LMBRD2: variants seen among roughly 807,000 people sequenced by gnomAD.
LMBRD2 encodes LMBR1 domain containing 2, also known as G protein-coupled receptor-associated protein LMBRD2.
A neutral mutation model predicts 94.4 loss-of-function variants in LMBRD2; 55 were observed. The ratio of observed to expected loss-of-function variants is 0.58; its 90% CI spans 0.47 to 0.73. LMBRD2 has a LOEUF of 0.73. Ranked by LOEUF, LMBRD2 falls within the 30% of genes least tolerant of loss-of-function variation. The probability of loss-of-function intolerance (pLI) is 0.00; values close to 1 mark genes in which losing one functional copy is unlikely to be tolerated. For missense variants in LMBRD2, 640 were observed against 831.9 expected, an observed-to-expected ratio of 0.77 and a Z score of 2.84; for synonymous variants, 246 against 272.4, an observed-to-expected ratio of 0.90 and a Z score of 0.95.
chr5:36,105,051 T>G lies in LMBRD2; in HGVS notation c.2027+17A>C, dbSNP rs1743431168. On this transcript the variant is annotated intron_variant, in intron 17 of 17. Transcript: ENST00000296603. ...GTAGAGGAATGCTAGAGCTAAAATG[T>G]CACAGCCAGAACTTACCTTCCTGAT... 2 of 1,610,106 alleles carry G rather than the reference T, an allele frequency of 1.2e-6. No individual in the cohort carries two copies. The highest frequency in any genetic ancestry group is 1.7e-6 in the Non-Finnish European group (2 of 1,177,770).
Position 36,103,983 on chromosome 5 carries a change from T to A in LMBRD2, c.*63A>T. ...TAGAGGAAATTCTAGGGTACACAGA[T>A]GTTCATCAAGACTGAACTGATGTGT... On this transcript the variant is annotated 3_prime_UTR_variant, in exon 18 of 18. Transcript: ENST00000296603. 1 of 1,153,940 alleles carries A rather than the reference T, an allele frequency of 8.7e-7. No individual in the cohort carries two copies. Among genetic ancestry groups the A allele is most frequent in the Non-Finnish European group, 1.3e-6 (1 of 769,914 alleles). The allele number at this position is 1,153,940 out of a possible 1,614,324, so 71.5% of individuals were successfully genotyped here.
In LMBRD2 at chr5:36,117,747, A is replaced by G. The variant is rs748026530; in HGVS notation, c.1290T>C (p.Tyr430=). ...FIQLAEKTYN[Y]IYIEIACFLS... ...AAAATAAACTGACCTCGATATAAAT[A>G]TAATTATATGTTTTTTCTGCCAGCT... is the stretch of plus-strand genomic sequence containing the variant. The change falls in exon 10 of 18, where the codon TAT becomes TAC. Residue 430 remains tyrosine, a synonymous_variant. Coordinates refer to ENST00000296603, the MANE Select transcript of LMBRD2 (RefSeq NM_001007527.2). The G allele has an allele frequency of 1.9e-5, 30 of 1,603,080 alleles. No homozygotes were observed. The highest frequency in any genetic ancestry group is 6.8e-5 in the Admixed American group (4 of 58,400).
At chr5:36,126,219 G>C (rs1240610563) in intron 6 of LMBRD2, among the ~76,000 whole-genome samples, 2 of 152,030 alleles carry the variant, frequency 1.3e-5, no homozygotes, top group Non-Finnish European at 2.9e-5. Flanking sequence ...TGACTTGTTA[G>C]CACAAATTTA....
chr5:36,127,933 C>T (rs1004746455), intron 6 of LMBRD2, among the ~76,000 whole-genome samples: 3 of 152,132 alleles, frequency 2.0e-5, no homozygotes, highest in Non-Finnish European at 2.9e-5. Context: ...CAGTGGTTAC[C>T]GTGGGCCTTG....
intron 6 of LMBRD2, among the ~76,000 whole-genome samples, chr5:36,135,747 T>C (rs1268242665): frequency 6.6e-6 from 1 of 152,224 alleles, no homozygotes; most frequent in African/African-American, 2.4e-5. Context: ...ATTTGTTGTA[T>C]ATTTTTATGT....
chr5:36,103,263 A>G lies in LMBRD2; in HGVS notation c.*783T>C. On this transcript the variant is annotated 3_prime_UTR_variant, in exon 18 of 18. Transcript: ENST00000296603. ...CCTAGGATTTATCCTTGAATATCAT[A>G]ATCAACATTTAAATCAATATGTTAA... The G allele has an allele frequency of 6.6e-6, 1 of 152,284 alleles. No individual in the cohort carries two copies. Among genetic ancestry groups the G allele is most frequent in the East Asian group, 1.9e-4 (1 of 5,188 alleles). 9.4% of individuals were successfully genotyped at this position (152,284 alleles called of 1,614,324 possible). A position where few individuals can be genotyped will look rare whatever the true frequency, so the allele number is the denominator to read the frequency against.
Position 36,122,731 on chromosome 5 carries a change from C to T in LMBRD2, c.936+117G>A, listed in dbSNP as rs188077902. 2.5e-4 allele frequency: 317 copies of T among 1,266,144 alleles called. 3 individuals are homozygous for T. Among genetic ancestry groups the T allele is most frequent in the Middle Eastern group, 2.1e-3 (8 of 3,896 alleles). The allele number at this position is 1,266,144 out of a possible 1,614,324, so 78.4% of individuals were successfully genotyped here. A position where few individuals can be genotyped will look rare whatever the true frequency, so the allele number is the denominator to read the frequency against. ...AAAATATTTCAAAGAATGATAAGGA[C>T]GGGATTAAAGGAAGTTTTAAATACA... On this transcript the variant is annotated intron_variant, in intron 8 of 17. Coordinates refer to ENST00000296603, the MANE Select transcript of LMBRD2 (RefSeq NM_001007527.2).
chr5:36,124,424 A>G (rs577685181), intron 6 of LMBRD2, among the ~76,000 whole-genome samples, 159 bp from the exon 7 acceptor site: 1 of 152,368 alleles, frequency 6.6e-6, no homozygotes, highest in Admixed American at 6.5e-5. Flanking sequence ...ACAAGTAAAA[A>G]TACAAAGTCA....
chr5:36,116,604 A>C lies in LMBRD2; in HGVS notation c.1303-11T>G. 1 of 1,609,884 alleles carries C rather than the reference A, an allele frequency of 6.2e-7. No individual in the cohort carries two copies. Among genetic ancestry groups the C allele is most frequent in the Non-Finnish European group, 8.5e-7 (1 of 1,178,918 alleles). ...AAGGAAGCAGGCAATCTGGAAAAAA[A>C]CAAAAACAAAGCAGTTTGTTTAAAA... On this transcript the variant is annotated splice_polypyrimidine_tract_variant and intron_variant, in intron 10 of 17. Transcript: ENST00000296603.
chr5:36,130,464 A>T (rs1168865741), intron 6 of LMBRD2, among the ~76,000 whole-genome samples: 2 of 152,172 alleles, frequency 1.3e-5, no homozygotes, highest in Non-Finnish European at 2.9e-5. Context: ...AAGTTAAAAC[A>T]TACCACCAGA....
intron 11 of LMBRD2, 59 bp downstream of exon 11, chr5:36,116,401 T>C: frequency 6.7e-7 from 1 of 1,483,446 alleles, no homozygotes; most frequent in Non-Finnish European, 9.3e-7. Flanking sequence ...AAATAAAAGA[T>C]CCATAAGAAT....
At position 36,141,197 on chromosome 5, in the gene LMBRD2, T is replaced by G. The variant is rs1744401920; in HGVS notation, c.278A>C (p.His93Pro). ...YATANPVPSQ[H>P]PCFKPWSYIP... ...GTAACTCCATGGCTTGAAACAAGGA[T>G]GCTGGCTGTTGAATAAAAAGTTAAA... Residue 93 changes from histidine to proline, a missense_variant, in exon 4 of 18, where the codon CAT (histidine) becomes CCT (proline). This residue lies in a region of LMBRD2 where 457 missense variants were observed against 642.8 expected (regional missense o/e 0.71). Coordinates refer to ENST00000296603, the MANE Select transcript of LMBRD2 (RefSeq NM_001007527.2). The G allele has an allele frequency of 6.3e-7, 1 of 1,593,572 alleles. No homozygotes were observed. The highest frequency in any genetic ancestry group is 1.3e-5 in the African/African-American group (1 of 74,128).
intron 3 of LMBRD2, 38 bp from the exon 4 acceptor site, chr5:36,141,240 G>A: frequency 8.5e-7 from 1 of 1,171,662 alleles, no homozygotes; most frequent in Non-Finnish European, 1.3e-6. Flanking sequence ...AATCATAAAT[G>A]ACTACTTAAA....
At chr5:36,111,296 T>G in intron 13 of LMBRD2, 38 bp from the exon 14 acceptor site, 1 of 1,287,292 alleles carries the variant, frequency 7.8e-7, no homozygotes, top group South Asian at 1.2e-5. Context: ...CAAACATTAT[T>G]TCACATTGTA....
At position 36,136,331 on chromosome 5, in the gene LMBRD2, T is replaced by C; in HGVS notation, c.725A>G (p.Glu242Gly). ...KLMTEKADAE[E>G]NLEDAMEEVR... Reference sequence around the variant, plus strand: ...TACCTCCATGGCATCTTCCAAATTCTCTTCTGCATCTGCTTTCTCTGTCAT... The same window carrying C: ...TACCTCCATGGCATCTTCCAAATTCCCTTCTGCATCTGCTTTCTCTGTCAT... The change falls in exon 6 of 18, where the codon GAG becomes GGG. Residue 242 changes from glutamate (E) to glycine (G), a missense_variant. Glu to Gly is a moderately conservative substitution (Grantham distance 98, BLOSUM62 -2). This residue lies in a region of LMBRD2 where 457 missense variants were observed against 642.8 expected (regional missense o/e 0.71). Coordinates refer to ENST00000296603, the MANE Select transcript of LMBRD2 (RefSeq NM_001007527.2). The C allele has an allele frequency of 6.2e-7, 1 of 1,614,070 alleles. No individual in the cohort carries two copies. The highest frequency in any genetic ancestry group is 8.5e-7 in the Non-Finnish European group (1 of 1,179,906).
rs1448758816 is a variant in LMBRD2 at position 36,117,912 on chromosome 5, C to T, written c.1125G>A (p.Trp375Ter). The change falls in exon 10 of 18, where the codon TGG becomes TGA. Residue 375 changes from tryptophan (W) to a stop codon, truncating the protein, a stop_gained. Transcript: ENST00000296603. LOFTEE classifies it high-confidence loss of function. ...IQYFYNPTFE[W>*]YWECLLRPWF... ...ATGGTCGCAAAAGACATTCCCAGTA[C>T]CATTCTAGAAGACAAAAGAAAAAAA... 4 of 1,599,426 alleles carry T rather than the reference C, an allele frequency of 2.5e-6. No individual in the cohort carries two copies. The highest frequency in any genetic ancestry group is 3.4e-6 in the Non-Finnish European group (4 of 1,175,448).
chr5:36,127,404 A>G (rs1744031988), intron 6 of LMBRD2, among the ~76,000 whole-genome samples: 1 of 152,220 alleles, frequency 6.6e-6, no homozygotes, highest in African/African-American at 2.4e-5. Context: ...GTGCCTTCAT[A>G]AAAACCAAAA....
At chr5:36,130,093 G>A (rs1744098025) in intron 6 of LMBRD2, among the ~76,000 whole-genome samples, 1 of 152,070 alleles carries the variant, frequency 6.6e-6, no homozygotes, top group African/African-American at 2.4e-5. Flanking sequence ...TGTAAATGAC[G>A]AGTTAATGGG....
chr5:36,110,065 A>G, intron 14 of LMBRD2, 74 bp from the exon 15 acceptor site: 1 of 1,093,724 alleles, frequency 9.1e-7, no homozygotes. Flanking sequence ...AAGTAAAGAT[A>G]GCGGGCAATG....
Sources: allele counts gnomAD v4.1 joint callset (sites outside exome capture counted in the v4.1 genomes callset), GRCh38; gene constraint gnomAD v4.1.1; regional missense constraint gnomAD v4.1.1; transcripts MANE v1.5; gene names NCBI Gene and HGNC (gene_info 2026-07-23, HGNC 2026-07-21).